DPP9: variants seen among roughly 807,000 people sequenced by gnomAD.
DPP9 encodes dipeptidyl peptidase 9, also known as dipeptidyl peptidase IV-related protein-2.
DPP9 carries 50 observed loss-of-function variants against 110.7 expected under a neutral mutation model. The observed-to-expected ratio is 0.45, with a 90% CI of 0.36 to 0.57. The LOEUF is 0.57. Ranked by LOEUF, DPP9 falls within the 20% of genes least tolerant of loss-of-function variation. The pLI, the probability that DPP9 is intolerant of heterozygous loss-of-function variation, is 0.00. For synonymous variants in DPP9, 561 were observed against 514.4 expected, an observed-to-expected ratio of 1.09 and a Z score of -1.23; for missense variants, 1,022 against 1,217.9, an observed-to-expected ratio of 0.84 and a Z score of 2.39.
chr19:4,710,928 G>A lies in DPP9; in HGVS notation c.313+3153C>T, dbSNP rs932837904. ...CCTCAGCACCTCCTGTGTACTGTGA[G>A]GACCTGCCTGTCCCAGCCCCAGACA... On this transcript the variant is annotated intron_variant, in intron 4 of 21. Transcript: ENST00000262960. The surrounding 1 kb of genome is among the most constrained non-coding windows in gnomAD (Gnocchi z 5.6). Among the ~76,000 whole-genome samples, 17 of 152,196 alleles carry A rather than the reference G, an allele frequency of 1.1e-4. No individual in the cohort carries two copies. Among genetic ancestry groups the A allele is most frequent in the Non-Finnish European group, 2.5e-4 (17 of 68,040 alleles).
chr19:4,688,536 C>T (rs1334354133), intron 16 of DPP9: 1 of 529,632 alleles, frequency 1.9e-6, no homozygotes, highest in Non-Finnish European at 3.0e-6. Context: ...TCTGTGCAGT[C>T]CGGCCCTTTA....
Position 4,687,520 on chromosome 19 carries a change from C to T in DPP9, c.1885+1237G>A, listed in dbSNP as rs577595382. Among the ~76,000 whole-genome samples, 6 of 152,272 alleles carry T rather than the reference C, an allele frequency of 3.9e-5. No individual in the cohort carries two copies. The highest frequency in any genetic ancestry group is 1.2e-4 in the African/African-American group (5 of 41,554). ...TCCTGGCCAACTTCCAGGTTCTGGG[C>T]AAGGTGTCAGGTTGCCTCATTTCCT... is the stretch of plus-strand genomic sequence containing the variant. On this transcript the variant is annotated intron_variant, in intron 16 of 21. Transcript: ENST00000262960. The surrounding 1 kb of genome is among the most constrained non-coding windows in gnomAD (Gnocchi z 4.7).
chr19:4,682,928 C>T lies in DPP9; in HGVS notation c.2332-90G>A, dbSNP rs1034998025. The T allele has an allele frequency of 1.4e-5, 21 of 1,536,654 alleles. No homozygotes were observed. In the East Asian group the frequency reaches 2.4e-4, roughly 18 times the overall value. On this transcript the variant is annotated intron_variant, in intron 19 of 21. Coordinates refer to ENST00000262960, the MANE Select transcript of DPP9 (RefSeq NM_139159.5). The surrounding 1 kb of genome is among the most constrained non-coding windows in gnomAD (Gnocchi z 7.1). ...CCAGCATCAGCCGCTGTCCCGGGGC[C>T]GCCCTGGAGCCCGTGAGGAGCGCTC...
chr19:4,679,872 GA>G lies in DPP9; in HGVS notation c.2548del (p.Ser850ProfsTer3). On this transcript the variant is annotated frameshift_variant, in exon 21 of 22. Coordinates refer to ENST00000262960, the MANE Select transcript of DPP9 (RefSeq NM_139159.5). LOFTEE classifies it high-confidence loss of function. The stretch of plus-strand genomic sequence containing the variant: ...AGGTTTCCCTGCTCGGATCAGTTGG[GA>G]GACGAGGAAGTTTGTGTGGAAAAAG... ...VHFFHTNFLV[S>X]QLIRAGKPYQ... 1 of 1,613,558 alleles carries G rather than the reference GA, an allele frequency of 6.2e-7. No homozygotes were observed. Among genetic ancestry groups the G allele is most frequent in the Non-Finnish European group, 8.5e-7 (1 of 1,179,808 alleles).
Position 4,700,403 on chromosome 19 carries a change from G to T in DPP9, c.1013-126C>A, listed in dbSNP as rs1204597598. 6 of 606,326 alleles carry T rather than the reference G, an allele frequency of 9.9e-6. No homozygotes were observed. 37.6% of individuals were successfully genotyped at this position (606,326 alleles called of 1,614,324 possible). A position where few individuals can be genotyped will look rare whatever the true frequency, so the allele number is the denominator to read the frequency against. ...GTGTACAATTGGAGTGGGGGAGGCA[G>T]GAGAAGCCAGGTGTCCCACGGTCTG... On this transcript the variant is annotated intron_variant, in intron 9 of 21. Coordinates refer to ENST00000262960, the MANE Select transcript of DPP9 (RefSeq NM_139159.5). The surrounding 1 kb of genome is among the most constrained non-coding windows in gnomAD (Gnocchi z 4.3).
chr19:4,705,589 T>C (rs993495467), intron 5 of DPP9, among the ~76,000 whole-genome samples: 3 of 152,254 alleles, frequency 2.0e-5, no homozygotes, highest in Admixed American at 6.5e-5. Flanking sequence ...CCAGTCTCTC[T>C]AAAAGGGCCT....
chr19:4,699,364 A>G (rs952885643), intron 10 of DPP9, among the ~76,000 whole-genome samples: 2 of 151,952 alleles, frequency 1.3e-5, no homozygotes, highest in Non-Finnish European at 2.9e-5. Context: ...TCTTTGGCCC[A>G]GGGCTCTGTC....
At position 4,694,829 on chromosome 19, in the gene DPP9, C is replaced by G; in HGVS notation, c.1354-6G>C. 1.9e-6 allele frequency: 3 copies of G among 1,613,450 alleles called. No homozygotes were observed. Among genetic ancestry groups the G allele is most frequent in the Middle Eastern group, 1.7e-4 (1 of 5,978 alleles). On this transcript the variant is annotated splice_region_variant and splice_polypyrimidine_tract_variant and intron_variant, in intron 12 of 21. Coordinates refer to ENST00000262960, the MANE Select transcript of DPP9 (RefSeq NM_139159.5). The surrounding 1 kb of genome is among the most constrained non-coding windows in gnomAD (Gnocchi z 4.0). Reference sequence around the variant, plus strand: ...GGATAGAAGATGTCATGAACCTGTCCGGAAAGCAGATAGAAGATGCGTCAG... The same window carrying G: ...GGATAGAAGATGTCATGAACCTGTCGGGAAAGCAGATAGAAGATGCGTCAG...
chr19:4,719,988 G>GAGCGCCCACTCCCCACCTGC, intron 2 of DPP9, 47 bp from the exon 3 acceptor site: 2 of 1,491,364 alleles, frequency 1.3e-6, no homozygotes, highest in Non-Finnish European at 1.8e-6. Flanking sequence ...ACCCCAGCAG[G>GAGCGCCCACTCCCCACCTGC]TGGGGAGTGG....
chr19:4,676,172 C>A lies in DPP9; in HGVS notation c.*392G>T. On this transcript the variant is annotated 3_prime_UTR_variant, in exon 22 of 22. Transcript: ENST00000262960. The surrounding 1 kb of genome is among the most constrained non-coding windows in gnomAD (Gnocchi z 4.0). ...GGACAGGCAATTGCATGCTTGGGTG[C>A]TGGGGACGGTGGCTGGCCGGGCCAG... The A allele has an allele frequency of 4.8e-6, 1 of 209,892 alleles. No homozygotes were observed. Among genetic ancestry groups the A allele is most frequent in the Non-Finnish European group, 9.6e-6 (1 of 104,236 alleles). The allele number at this position is 209,892 out of a possible 1,614,324, so 13.0% of individuals were successfully genotyped here.
rs577873784 is a variant in DPP9, at chr19:4,679,461, G to C, written c.2586+374C>G. 12 of 255,514 alleles carry C rather than the reference G, an allele frequency of 4.7e-5. No homozygotes were observed. In the South Asian group the frequency reaches 4.8e-4, roughly 10 times the overall value. The allele number at this position is 255,514 out of a possible 1,614,324, so 15.8% of individuals were successfully genotyped here. On this transcript the variant is annotated intron_variant, in intron 21 of 21. Transcript: ENST00000262960. ...GCCCCAGCGCCTTAGGAAGGAGCCT[G>C]CTAGGGCCTTCAGCACTCAGCGGTT...
chr19:4,676,761 T>C lies in DPP9; in HGVS notation c.2587-105A>G. 1 of 885,590 alleles carries C rather than the reference T, an allele frequency of 1.1e-6. No individual in the cohort carries two copies. The highest frequency in any genetic ancestry group is 1.8e-6 in the Non-Finnish European group (1 of 553,786). 54.9% of individuals were successfully genotyped at this position (885,590 alleles called of 1,614,324 possible). A position where few individuals can be genotyped will look rare whatever the true frequency, so the allele number is the denominator to read the frequency against. ...AGGGCATCCGGGAAGGCGCAGGTGC[T>C]CTGAGGCCCAGTGATCTGGGTTTGA... On this transcript the variant is annotated intron_variant, in intron 21 of 21. Coordinates refer to ENST00000262960, the MANE Select transcript of DPP9 (RefSeq NM_139159.5). This position sits in a 1 kb window ranked among gnomAD's most constrained non-coding sequence, Gnocchi z 4.0.
At chr19:4,716,433 C>G (rs187022375) in intron 3 of DPP9, among the ~76,000 whole-genome samples, 2 of 152,142 alleles carry the variant, frequency 1.3e-5, no homozygotes, top group East Asian at 3.9e-4. Context: ...ATCAGCAGAT[C>G]GAGACCATCC....
chr19:4,700,350 TG>T lies in DPP9; in HGVS notation c.1013-74del. 1 of 1,326,282 alleles carries T rather than the reference TG, an allele frequency of 7.5e-7. No homozygotes were observed. The highest frequency in any genetic ancestry group is 1.0e-6 in the Non-Finnish European group (1 of 965,244). The allele number at this position is 1,326,282 out of a possible 1,614,324, so 82.2% of individuals were successfully genotyped here. Reference sequence around the variant, plus strand: ...GTGCCGAGAGCCGGCACGGGGGGCCTGGGCTGTGGGGTGACGTCCACAGAGA... The same window carrying T: ...GTGCCGAGAGCCGGCACGGGGGGCCTGGCTGTGGGGTGACGTCCACAGAGA... On this transcript the variant is annotated intron_variant, in intron 9 of 21. Transcript: ENST00000262960. This position sits in a 1 kb window ranked among gnomAD's most constrained non-coding sequence, Gnocchi z 4.3.
In DPP9 at chr19:4,694,935, C is replaced by T. The variant is rs1365890473; in HGVS notation, c.1354-112G>A. On this transcript the variant is annotated intron_variant, in intron 12 of 21. Transcript: ENST00000262960. The surrounding 1 kb of genome is among the most constrained non-coding windows in gnomAD (Gnocchi z 4.0). The stretch of plus-strand genomic sequence containing the variant: ...GGCTGGGGCAGGAGACTTGCTTGAG[C>T]CCAGGAATTTCAGAGACCAGCCTGG... The T allele has an allele frequency of 6.5e-6, 7 of 1,083,144 alleles. No individual in the cohort carries two copies. The highest frequency in any genetic ancestry group is 9.3e-6 in the Non-Finnish European group (7 of 751,362). 67.1% of individuals were successfully genotyped at this position (1,083,144 alleles called of 1,614,324 possible).
In DPP9 at chr19:4,695,453, T is replaced by A. The variant is rs1422043455; in HGVS notation, c.1278A>T (p.Leu426=). The change falls in exon 12 of 22, where the codon CTA becomes CTT. Residue 426 remains leucine (L), a synonymous_variant. Transcript: ENST00000262960. The surrounding 1 kb of genome is among the most constrained non-coding windows in gnomAD (Gnocchi z 4.7). The part of the protein sequence containing the change: ...IPSTENEEQR[L]ASARAVPRNV... ...TCCTGGGGACAGCTCTGGCAGAGGC[T>A]AGCCGCTGCTCCTCATTCTCTGTGC... The A allele has an allele frequency of 5.0e-6, 8 of 1,589,734 alleles. No homozygotes were observed. The Admixed American group carries it at 1.4e-4, about 28-fold the overall frequency.
rs541444552 is a variant in DPP9, at chr19:4,700,026, C to T, written c.1074+190G>A. Among the ~76,000 whole-genome samples, 15 of 152,318 alleles carry T rather than the reference C, an allele frequency of 9.8e-5. No homozygotes were observed. In the East Asian group the frequency reaches 1.4e-3, roughly 14 times the overall value. On this transcript the variant is annotated intron_variant, in intron 10 of 21. Transcript: ENST00000262960. The surrounding 1 kb of genome is among the most constrained non-coding windows in gnomAD (Gnocchi z 4.3). ...GTGAGGCAGGGAGGCCAGCTCGCCA[C>T]GCCGCATTCTAGGCACAGGTCCAGA...
chr19:4,694,246 T>G lies in DPP9; in HGVS notation c.1516+415A>C. ...AGGGCTAGACAGTAAATCTTGGCCT[T>G]GCACAACAGTTTCTGCTGGGACTAC... On this transcript the variant is annotated intron_variant, in intron 13 of 21. Coordinates refer to ENST00000262960, the MANE Select transcript of DPP9 (RefSeq NM_139159.5). This position sits in a 1 kb window ranked among gnomAD's most constrained non-coding sequence, Gnocchi z 4.0. The G allele has an allele frequency of 3.3e-6, 1 of 302,414 alleles. No homozygotes were observed. The highest frequency in any genetic ancestry group is 6.1e-6 in the Non-Finnish European group (1 of 164,368). The allele number at this position is 302,414 out of a possible 1,614,324, so 18.7% of individuals were successfully genotyped here.
rs553946565 is a variant in DPP9, at chr19:4,682,644, G to A, written c.2474+52C>T. 20 of 1,590,550 alleles carry A rather than the reference G, an allele frequency of 1.3e-5. No homozygotes were observed. In the Admixed American group the frequency reaches 1.8e-4, roughly 14 times the overall value. ...CACCCTCATAGAGACAGCTGGTGCC[G>A]GGGTGCAGGAGAAGCCCCGGGGAGG... On this transcript the variant is annotated intron_variant, in intron 20 of 21. Coordinates refer to ENST00000262960, the MANE Select transcript of DPP9 (RefSeq NM_139159.5). This position sits in a 1 kb window ranked among gnomAD's most constrained non-coding sequence, Gnocchi z 7.1.
Sources: allele counts gnomAD v4.1 joint callset (sites outside exome capture counted in the v4.1 genomes callset), GRCh38; gene constraint gnomAD v4.1.1; non-coding constraint Gnocchi (gnomAD v3.1); transcripts MANE v1.5; gene names NCBI Gene and HGNC (gene_info 2026-07-23, HGNC 2026-07-21).